The following RNF6 variants were observed in gnomAD, a reference collection of about 807,000 sequenced individuals.
RNF6 encodes E3 ubiquitin-protein ligase RNF6.
RNF6 carries 21 observed loss-of-function variants against 50.1 expected under a neutral mutation model. The observed-to-expected ratio is 0.42, with a 90% CI of 0.30 to 0.60. The LOEUF is 0.60. Ranked by LOEUF, RNF6 falls within the 20% of genes least tolerant of loss-of-function variation. RNF6 has a pLI of 0.20. For synonymous variants in RNF6, 255 were observed against 291.8 expected (o/e 0.87, Z 1.29); for missense variants, 698 against 838.2 (o/e 0.83, Z 2.07).
chr13:26,193,835 A>G (rs546653842), intron 5 of RNF6, among the ~76,000 whole-genome samples: 3 of 152,356 alleles, frequency 2.0e-5, no homozygotes, highest in African/African-American at 7.2e-5. Context: ...TTTGAAGCAC[A>G]GACAATATGT....
chr13:26,159,466 A>G (rs1872099236), intron 5 of RNF6, among the ~76,000 whole-genome samples: 1 of 152,088 alleles, frequency 6.6e-6, no homozygotes, highest in Non-Finnish European at 1.5e-5. Flanking sequence ...CTACTAAAAA[A>G]TACAAAAAAT....
upstream of RNF6, chr13:26,222,613 G>A (rs1001202239): frequency 6.6e-6 from 1 of 152,452 alleles, no homozygotes; most frequent in African/African-American, 2.4e-5. Context: ...CTGTGCTTTG[G>A]AACCTGGAAA....
At chr13:26,132,512 C>T (rs1254352263) in intron 5 of RNF6, 3 of 444,900 alleles carry the variant, frequency 6.7e-6, no homozygotes, top group Non-Finnish European at 1.3e-5. Context: ...TATGTTTAAA[C>T]TTCCATGTCT....
In RNF6 at chr13:26,215,025, C is replaced by G; in HGVS notation, c.857G>C (p.Arg286Thr). 6.2e-7 allele frequency: 1 copy of G among 1,614,210 alleles called. No homozygotes were observed. Among genetic ancestry groups the G allele is most frequent in the Non-Finnish European group, 8.5e-7 (1 of 1,180,026 alleles). ...GAAHVWENGA[R>T]SNVTVRNTNQ... ...TGTATTCCTCACTGTAACATTACTT[C>G]TAGCCCCATTTTCCCAAACATGTGC... The change falls in exon 5 of 5, where the codon AGA becomes ACA. Residue 286 changes from arginine (R) to threonine (T), a missense_variant. By Grantham distance (71) the Arg-to-Thr change is moderately conservative (BLOSUM62 -1). Coordinates refer to ENST00000381588, the MANE Select transcript of RNF6 (RefSeq NM_005977.4).
chr13:26,179,950 A>T (rs138681221), intron 5 of RNF6, among the ~76,000 whole-genome samples: 1 of 152,322 alleles, frequency 6.6e-6, no homozygotes, highest in Non-Finnish European at 1.5e-5. Context: ...AAAGAATCAA[A>T]GAAGGATCCT....
chr13:26,157,198 C>A (rs1455134464), intron 5 of RNF6, among the ~76,000 whole-genome samples: 2 of 152,054 alleles, frequency 1.3e-5, no homozygotes, highest in Non-Finnish European at 1.5e-5. Flanking sequence ...AAACTGTACA[C>A]TTTAAATTGG....
At position 26,213,986 on chromosome 13, in the gene RNF6, A is replaced by G; in HGVS notation, c.1896T>C (p.Cys632=). The stretch of plus-strand genomic sequence containing the variant: ...TTACATAGTCACTAATACAAACACT[A>G]CAGATTTTACCTAGTTCACTATCAA... The part of the protein sequence containing the change: ...NSIDSELGKI[C]SVCISDYVTG... The change falls in exon 5 of 5, where the codon TGT becomes TGC. Residue 632 remains cysteine (C), a synonymous_variant. Transcript: ENST00000381588. 6.2e-7 allele frequency: 1 copy of G among 1,614,170 alleles called. No homozygotes were observed. The highest frequency in any genetic ancestry group is 8.5e-7 in the Non-Finnish European group (1 of 1,180,020).
intron 5 of RNF6, among the ~76,000 whole-genome samples, chr13:26,174,101 G>T (rs1177455519): frequency 1.3e-5 from 2 of 152,102 alleles, no homozygotes; most frequent in Admixed American, 1.3e-4. Flanking sequence ...ATCCACCAGT[G>T]ACAGTCCCAA....
rs190077842 is a variant in RNF6, at chr13:26,155,612, A to G, written n.769-23161T>C. Among the ~76,000 whole-genome samples the G allele has an allele frequency of 5.6e-3, 850 of 152,324 alleles. 7 individuals carry two copies. Among genetic ancestry groups the G allele is most frequent in the Admixed American group, 7.4e-3 (113 of 15,304 alleles). On this transcript the variant is annotated intron_variant and non_coding_transcript_variant, in intron 5 of 5. Transcript: ENST00000468480. ...GCCCGTGTCCCTGATTCTGCCTCTG[A>G]AAGGCAAGCCAGAGCCTGCACCGCT...
At chr13:26,134,025 C>T (rs924365637) in intron 5 of RNF6, among the ~76,000 whole-genome samples, 2 of 152,178 alleles carry the variant, frequency 1.3e-5, no homozygotes, top group Non-Finnish European at 2.9e-5. Context: ...GGAGGTATTG[C>T]GTCATTACTG....
At chr13:26,185,522 G>A (rs1205067700) in intron 5 of RNF6, among the ~76,000 whole-genome samples, 24 of 152,088 alleles carry the variant, frequency 1.6e-4, no homozygotes, top group Non-Finnish European at 2.9e-5. Flanking sequence ...CGAGGTGGGC[G>A]GATCACGAGG....
chr13:26,193,792 G>T (rs116700646), intron 5 of RNF6, among the ~76,000 whole-genome samples: 3,903 of 152,300 alleles, frequency 0.026, 194 homozygotes, highest in African/African-American at 0.088. Context: ...GTTGAAGAAT[G>T]GTTGATTGAA....
At chr13:26,155,956 A>G (rs528584112) in intron 5 of RNF6, among the ~76,000 whole-genome samples, 2 of 152,336 alleles carry the variant, frequency 1.3e-5, no homozygotes, top group Admixed American at 6.5e-5. Context: ...AATTCTGCTC[A>G]TTGGATTGCA....
At chr13:26,192,274 G>A (rs1593178830) in intron 5 of RNF6, among the ~76,000 whole-genome samples, 1 of 152,218 alleles carries the variant, frequency 6.6e-6, no homozygotes, top group Admixed American at 6.5e-5. Flanking sequence ...AGTGGAAAGA[G>A]AACAATGGCT....
At chr13:26,222,579 T>G (rs1451064542), upstream of RNF6, 3 of 152,392 alleles carry the variant, frequency 2.0e-5, no homozygotes, top group Non-Finnish European at 4.4e-5. Flanking sequence ...TGTAACGTAC[T>G]ACCCAGCCAG....
At chr13:26,188,623 C>CTTTTTTTTTTTTTTTTTT (rs1163881143) in intron 5 of RNF6, among the ~76,000 whole-genome samples, 4 of 43,268 alleles carry the variant, frequency 9.2e-5, no homozygotes, top group Admixed American at 7.5e-4. Flanking sequence ...GTCAAAAGAG[C>CTTTTTTTTTTTTTTTTTT]TTTTTTTTTT....
intron 5 of RNF6, among the ~76,000 whole-genome samples, chr13:26,194,838 T>G (rs1057161538): frequency 3.8e-4 from 58 of 152,236 alleles, no homozygotes; most frequent in Non-Finnish European, 6.5e-4. Flanking sequence ...AGTCTTGTCT[T>G]TTCACGTTTT....
At chr13:26,163,542 T>C (rs1206456941) in intron 5 of RNF6, among the ~76,000 whole-genome samples, 1 of 152,332 alleles carries the variant, frequency 6.6e-6, no homozygotes, top group South Asian at 2.1e-4. Flanking sequence ...AAGATATAGG[T>C]AAATTCTTTA....
intron 3 of RNF6, among the ~76,000 whole-genome samples, chr13:26,219,127 G>A (rs2137790728): frequency 6.6e-6 from 1 of 152,152 alleles, no homozygotes; most frequent in East Asian, 1.9e-4. Flanking sequence ...CCCCAAATGA[G>A]TTCAAATTGG....
Sources: allele counts gnomAD v4.1 joint callset (sites outside exome capture counted in the v4.1 genomes callset), GRCh38; gene constraint gnomAD v4.1.1; transcripts MANE v1.5; gene names NCBI Gene and HGNC (gene_info 2026-07-23, HGNC 2026-07-21).